Variants in RB1CC1 observed in about 807,000 individuals in gnomAD.
RB1CC1 encodes RB1-inducible coiled-coil protein 1.
RB1CC1 carries 46 observed loss-of-function variants against 177.5 expected under a neutral mutation model. The observed-to-expected ratio is 0.26, with a 90% CI of 0.20 to 0.33. The LOEUF (loss-of-function observed/expected upper bound fraction) is 0.33, where lower values mean the gene tolerates loss of function less well. Ranked by LOEUF, RB1CC1 falls within the 10% of genes least tolerant of loss-of-function variation. RB1CC1 has a pLI of 1.00. For missense variants in RB1CC1, 1,703 were observed against 1,816.3 expected (o/e 0.94, Z 1.13); for synonymous variants, 666 against 613.6 (o/e 1.09, Z -1.26).
intron 18 of RB1CC1, among the ~76,000 whole-genome samples, chr8:52,639,624 A>G (rs1380217913): frequency 2.0e-5 from 3 of 152,210 alleles, no homozygotes; most frequent in Admixed American, 6.5e-5. Context: ...AAATAAAAAG[A>G]AGTTCCCATC....
chr8:52,676,683 C>T (rs768672624), intron 5 of RB1CC1, 112 bp from the exon 6 acceptor site: 10 of 893,000 alleles, frequency 1.1e-5, no homozygotes, highest in East Asian at 2.6e-5. Context: ...GCACATTTAA[C>T]AAAGTATTTC....
intron 20 of RB1CC1, among the ~76,000 whole-genome samples, chr8:52,630,959 G>A (rs1346045347): frequency 3.3e-5 from 5 of 152,160 alleles, no homozygotes; most frequent in South Asian, 2.1e-4. Flanking sequence ...GCTCACAGCC[G>A]TCACAATTGC....
chr8:52,670,377 G>C (rs1402256040), intron 7 of RB1CC1, among the ~76,000 whole-genome samples: 1 of 152,140 alleles, frequency 6.6e-6, no homozygotes, highest in African/African-American at 2.4e-5. Context: ...ATAATTAACA[G>C]TCAGTGATAC....
chr8:52,657,321 T>G lies in RB1CC1; in HGVS notation c.2508A>C (p.Ser836=), dbSNP rs1227669396. The G allele has an allele frequency of 6.2e-7, 1 of 1,612,960 alleles. No individual in the cohort carries two copies. The highest frequency in any genetic ancestry group is 8.5e-7 in the Non-Finnish European group (1 of 1,179,130). ...VQKEQCDFSN[S]LKCTAVEIRN... is the part of the protein sequence containing the mutation. ...TTATTTCTACTGCTGTACATTTTAA[T>G]GAATTTGAGAAGTCACACTGTTCTT... The change falls in exon 15 of 24, where the codon TCA becomes TCC. Residue 836 remains serine, a synonymous_variant. Coordinates refer to ENST00000025008, the MANE Select transcript of RB1CC1 (RefSeq NM_014781.5).
In RB1CC1 at chr8:52,656,241, T is replaced by C. The variant is rs760359089; in HGVS notation, c.3588A>G (p.Glu1196=). 1 of 1,613,340 alleles carries C rather than the reference T, an allele frequency of 6.2e-7. No homozygotes were observed. Among genetic ancestry groups the C allele is most frequent in the South Asian group, 1.1e-5 (1 of 90,962 alleles). ...ELSALERQKD[E]KITQQEEKYE... ...ATTTCTCTTCTTGTTGGGTAATTTT[T>C]TCATCTTTTTGTCTTTCAAGAGCAC... Residue 1196 remains glutamate (E), a synonymous_variant, in exon 15 of 24, where the codon GAA becomes GAG. Coordinates refer to ENST00000025008, the MANE Select transcript of RB1CC1 (RefSeq NM_014781.5).
chr8:52,709,603 G>A (rs956487832), intron 1 of RB1CC1, among the ~76,000 whole-genome samples: 1 of 152,290 alleles, frequency 6.6e-6, no homozygotes, highest in African/African-American at 2.4e-5. Context: ...GTTGGCAGTG[G>A]TAGTGCATGC....
At chr8:52,631,409 G>C (rs891156292) in intron 20 of RB1CC1, among the ~76,000 whole-genome samples, 1 of 152,124 alleles carries the variant, frequency 6.6e-6, no homozygotes, top group Non-Finnish European at 1.5e-5. Context: ...GCAGAGGTTA[G>C]AAGTATAATG....
Position 52,697,354 on chromosome 8 carries a change from TAAAC to T in RB1CC1, c.-166-10391_-166-10388del, listed in dbSNP as rs140876503. 6.7e-3 allele frequency among the ~76,000 whole-genome samples: 931 copies of T among 138,020 alleles called. 10 individuals carry two copies. Among genetic ancestry groups the T allele is most frequent in the Non-Finnish European group, 7.6e-3 (481 of 63,452 alleles). 90.5% of individuals were successfully genotyped at this position (138,020 alleles called of 152,430 possible). On this transcript the variant is annotated intron_variant, in intron 1 of 23. Transcript: ENST00000025008. Reference sequence around the variant, plus strand: ...ACTAAAAAAGATGGACGAGACAAAATAAACAAATGCCATGTGTGAATTTGTTCAG... The same window carrying T: ...ACTAAAAAAGATGGACGAGACAAAATAAATGCCATGTGTGAATTTGTTCAG...
At chr8:52,708,517 AAAACAAACAAAC>A (rs141985049) in intron 1 of RB1CC1, among the ~76,000 whole-genome samples, 29 of 151,994 alleles carry the variant, frequency 1.9e-4, no homozygotes, top group African/African-American at 6.5e-4. Context: ...ACTCGTCTCA[AAAACAAACAAAC>A]AAACAAACAA....
chr8:52,661,399 A>G, intron 9 of RB1CC1, 118 bp from the exon 10 acceptor site: 2 of 1,463,102 alleles, frequency 1.4e-6, no homozygotes, highest in Non-Finnish European at 1.8e-6. Flanking sequence ...AAGCTCTACA[A>G]AAATAGTCTA....
intron 1 of RB1CC1, among the ~76,000 whole-genome samples, chr8:52,697,716 T>A (rs1290852587): frequency 2.6e-5 from 4 of 152,224 alleles, no homozygotes; most frequent in African/African-American, 9.6e-5. Flanking sequence ...ACTGTAACAT[T>A]CTCTCTACTT....
chr8:52,709,361 G>T (rs1856864499), intron 1 of RB1CC1, among the ~76,000 whole-genome samples: 1 of 152,156 alleles, frequency 6.6e-6, no homozygotes, highest in Non-Finnish European at 1.5e-5. Flanking sequence ...TTATCAAGTG[G>T]AGATTTACAA....
At chr8:52,702,698 G>C (rs928146820) in intron 1 of RB1CC1, among the ~76,000 whole-genome samples, 1 of 151,868 alleles carries the variant, frequency 6.6e-6, no homozygotes, top group Non-Finnish European at 1.5e-5. Flanking sequence ...CTGGTTGGCA[G>C]AGTGAGACTC....
chr8:52,710,332 G>C (rs1248021665), intron 1 of RB1CC1, among the ~76,000 whole-genome samples: 7 of 152,166 alleles, frequency 4.6e-5, no homozygotes, highest in Non-Finnish European at 1.0e-4. Context: ...TTCGCCAAAA[G>C]AATGAAGCGA....
At chr8:52,695,681 G>A (rs1431171270) in intron 1 of RB1CC1, among the ~76,000 whole-genome samples, 1 of 152,218 alleles carries the variant, frequency 6.6e-6, no homozygotes, top group Non-Finnish European at 1.5e-5. Flanking sequence ...ACTGTCACGC[G>A]TTGTGGCCAA....
At chr8:52,706,735 C>CAA (rs570528978) in intron 1 of RB1CC1, among the ~76,000 whole-genome samples, 12 of 106,292 alleles carry the variant, frequency 1.1e-4, no homozygotes, top group East Asian at 2.6e-4. Flanking sequence ...CCCTCTGTTT[C>CAA]AAAAAAAAAA....
chr8:52,645,599 C>T (rs573880946), intron 16 of RB1CC1, 103 bp downstream of exon 16: 1 of 1,178,358 alleles, frequency 8.5e-7, no homozygotes, highest in Non-Finnish European at 1.2e-6. Flanking sequence ...AGGAACATCA[C>T]ATCTAAGATA....
chr8:52,663,354 G>GTT (rs111631545), intron 8 of RB1CC1, among the ~76,000 whole-genome samples: 2 of 145,024 alleles, frequency 1.4e-5, no homozygotes, highest in East Asian at 2.0e-4. Flanking sequence ...GGTGAGTGAG[G>GTT]TTTTTTTTTT....
At chr8:52,677,219 G>A (rs1853214023) in intron 5 of RB1CC1, among the ~76,000 whole-genome samples, 1 of 152,060 alleles carries the variant, frequency 6.6e-6, no homozygotes, top group South Asian at 2.1e-4. Context: ...TTGTTAACTG[G>A]TATGAGACAG....
Sources: allele counts gnomAD v4.1 joint callset (sites outside exome capture counted in the v4.1 genomes callset), GRCh38; gene constraint gnomAD v4.1.1; transcripts MANE v1.5; gene names NCBI Gene and HGNC (gene_info 2026-07-23, HGNC 2026-07-21).